The following ADD1 variants were observed in gnomAD, a reference collection of about 807,000 sequenced individuals.
The protein encoded by ADD1 is alpha-adducin.
Under a neutral mutation model 80.5 loss-of-function variants are expected in ADD1, and 24 were observed. The observed-to-expected ratio is 0.30, with a 90% CI of 0.22 to 0.42. The LOEUF is 0.42. ADD1 is among the 10% of genes least tolerant of loss of function. The probability of loss-of-function intolerance (pLI) is 1.00; values close to 1 mark genes in which losing one functional copy is unlikely to be tolerated. For missense variants in ADD1, 948 were observed against 1,019.0 expected (o/e 0.93, Z 0.95); for synonymous variants, 373 against 393.8 (o/e 0.95, Z 0.63).
chr4:2,852,559 G>A (rs1480328985), intron 1 of ADD1, among the ~76,000 whole-genome samples: 3 of 151,620 alleles, frequency 2.0e-5, no homozygotes, highest in Admixed American at 6.6e-5. Context: ...TCTGAGCAAC[G>A]TCTCCAGGGA....
Position 2,904,894 on chromosome 4 carries a change from C to G in ADD1, c.1292C>G (p.Ser431Cys). 3 of 1,614,148 alleles carry G rather than the reference C, an allele frequency of 1.9e-6. No individual in the cohort carries two copies. The highest frequency in any genetic ancestry group is 2.5e-6 in the Non-Finnish European group (3 of 1,180,024). ...FASDGDSGTC[S>C]PLRHSFQKQQ... ...AGTGACGGTGATTCGGGCACTTGCTCCCCACTCAGACACAGTTTTCAGAAG... is the reference window on the plus strand; with the variant it reads ...AGTGACGGTGATTCGGGCACTTGCTGCCCACTCAGACACAGTTTTCAGAAG... Residue 431 changes from serine to cysteine, a missense_variant, in exon 10 of 16, where the codon TCC (serine) becomes TGC (cysteine). Transcript: ENST00000683351.
intron 4 of ADD1, among the ~76,000 whole-genome samples, chr4:2,889,211 G>A (rs1303183205): frequency 6.6e-6 from 1 of 152,212 alleles, no homozygotes; most frequent in South Asian, 2.1e-4. Context: ...ACATGCTGTA[G>A]TCGGCATTGC....
intron 4 of ADD1, among the ~76,000 whole-genome samples, chr4:2,892,889 G>T (rs1734547188): frequency 6.6e-6 from 1 of 151,502 alleles, no homozygotes; most frequent in Non-Finnish European, 1.5e-5. Context: ...GGTACAAGTT[G>T]GTTTTAATTA....
chr4:2,884,567 G>C lies in ADD1; in HGVS notation c.411G>C (p.Ala137=). The C allele has an allele frequency of 6.2e-7, 1 of 1,613,230 alleles. No homozygotes were observed. The highest frequency in any genetic ancestry group is 8.5e-7 in the Non-Finnish European group (1 of 1,179,466). ...ATCTTAGAGGATCTGATTCTATTGC[G>C]TATGACAAAGGAGAGAAGTTATTAC... is the stretch of plus-strand genomic sequence containing the variant. ...VNDLRGSDSI[A]YDKGEKLLRC... Residue 137 remains alanine, a synonymous_variant, in exon 4 of 16, where the codon GCG becomes GCC. Transcript: ENST00000683351.
chr4:2,859,357 A>G (rs1030149636), intron 1 of ADD1, among the ~76,000 whole-genome samples: 3 of 152,238 alleles, frequency 2.0e-5, no homozygotes, highest in Non-Finnish European at 4.4e-5. Flanking sequence ...AAATAAAATT[A>G]TAGAAGATAG....
At chr4:2,891,812 C>G (rs576059481) in intron 4 of ADD1, among the ~76,000 whole-genome samples, 1 of 152,218 alleles carries the variant, frequency 6.6e-6, no homozygotes, top group East Asian at 1.9e-4. Flanking sequence ...CTGTTATGCT[C>G]TACAGAGACA....
rs764078515 is a variant in ADD1 at position 2,890,193 on chromosome 4, C to CA, written c.511-3805dup. Among the ~76,000 whole-genome samples the CA allele has an allele frequency of 6.3e-3, 496 of 78,650 alleles. 1 individual carries two copies. The highest frequency in any genetic ancestry group is 0.021 in the South Asian group (49 of 2,368). The allele number at this position is 78,650 out of a possible 152,430, so 51.6% of individuals were successfully genotyped here. ...TGGGCGACAGAGTGAGACTCCGTCTCAAAAAAAAAAAAAAAGAAATAATAT... is the reference window on the plus strand; with the variant it reads ...TGGGCGACAGAGTGAGACTCCGTCTCAAAAAAAAAAAAAAAAGAAATAATAT... On this transcript the variant is annotated intron_variant, in intron 4 of 15. Transcript: ENST00000683351.
chr4:2,921,208 A>G (rs1298307827), intron 14 of ADD1, among the ~76,000 whole-genome samples: 1 of 152,042 alleles, frequency 6.6e-6, no homozygotes, highest in African/African-American at 2.4e-5. Flanking sequence ...GCTCACTGCA[A>G]GCTCCGCCTC....
In ADD1 at chr4:2,904,808, G is replaced by A; in HGVS notation, c.1206G>A (p.Glu402=). ...GYPYRYPALR[E]KSKKYSDVEV... Reference sequence around the variant, plus strand: ...CTTATCGATACCCTGCTCTGAGAGAGAAGTCTAAAAAATACAGCGATGTGG... The same window carrying A: ...CTTATCGATACCCTGCTCTGAGAGAAAAGTCTAAAAAATACAGCGATGTGG... Residue 402 remains glutamate (E), a synonymous_variant, in exon 10 of 16, where the codon GAG becomes GAA. Coordinates refer to ENST00000683351, the MANE Select transcript of ADD1 (RefSeq NM_001354761.2). 1.2e-6 allele frequency: 2 copies of A among 1,614,214 alleles called. No individual in the cohort carries two copies. Among genetic ancestry groups the A allele is most frequent in the Non-Finnish European group, 1.7e-6 (2 of 1,180,042 alleles).
intron 14 of ADD1, among the ~76,000 whole-genome samples, chr4:2,921,698 G>A (rs752775321): frequency 4.0e-4 from 61 of 152,230 alleles, no homozygotes; most frequent in Middle Eastern, 6.8e-3. Flanking sequence ...CTAGGTTGGG[G>A]AAGTTCTCCT....
intron 1 of ADD1, among the ~76,000 whole-genome samples, chr4:2,861,214 G>A (rs1266837389): frequency 2.6e-5 from 4 of 152,130 alleles, no homozygotes; most frequent in African/African-American, 9.7e-5. Flanking sequence ...GCAAGGGAGC[G>A]TGGGGGCTGG....
At position 2,909,113 on chromosome 4, in the gene ADD1, C is replaced by G. The variant is rs185536462; in HGVS notation, c.1699-226C>G. On this transcript the variant is annotated intron_variant, in intron 12 of 15. Coordinates refer to ENST00000683351, the MANE Select transcript of ADD1 (RefSeq NM_001354761.2). Reference sequence around the variant, plus strand: ...TTATCTCTGAAAACTAATATGCCACCTAATGCTTTAACACCTGACTCTGCA... The same window carrying G: ...TTATCTCTGAAAACTAATATGCCACGTAATGCTTTAACACCTGACTCTGCA... 1.2e-5 allele frequency: 7 copies of G among 567,156 alleles called. No individual in the cohort carries two copies. In the Admixed American group the frequency reaches 2.2e-4, roughly 18 times the overall value. 35.1% of individuals were successfully genotyped at this position (567,156 alleles called of 1,614,324 possible).
chr4:2,896,074 A>G (rs1735162240), intron 6 of ADD1, among the ~76,000 whole-genome samples: 1 of 150,744 alleles, frequency 6.6e-6, no homozygotes, highest in South Asian at 2.1e-4. Flanking sequence ...TTTTTAGTAG[A>G]GGCTGGGTTT....
At chr4:2,891,617 T>G (rs548966584) in intron 4 of ADD1, among the ~76,000 whole-genome samples, 1 of 152,264 alleles carries the variant, frequency 6.6e-6, no homozygotes, top group African/African-American at 2.4e-5. Flanking sequence ...CCACTACCAC[T>G]AATGATGGTA....
chr4:2,894,646 C>A lies in ADD1; in HGVS notation c.656C>A (p.Ala219Asp). 6.2e-7 allele frequency: 1 copy of A among 1,610,176 alleles called. No homozygotes were observed. Among genetic ancestry groups the A allele is most frequent in the Non-Finnish European group, 8.5e-7 (1 of 1,178,828 alleles). The part of the protein sequence containing the change: ...RGSTNLGVNQ[A>D]GFTLHSAIYA... Reference sequence around the variant, plus strand: ...AGCACTAATCTGGGAGTGAATCAGGCCGGCTTCACCTTACACTCTGCAATT... The same window carrying A: ...AGCACTAATCTGGGAGTGAATCAGGACGGCTTCACCTTACACTCTGCAATT... Residue 219 changes from alanine (A) to aspartate (D), a missense_variant, in exon 6 of 16, where the codon GCC becomes GAC. By Grantham distance (126) the Ala-to-Asp change is moderately radical (BLOSUM62 -2). Coordinates refer to ENST00000683351, the MANE Select transcript of ADD1 (RefSeq NM_001354761.2).
Position 2,908,504 on chromosome 4 carries a change from C to T in ADD1, c.1609-11C>T, listed in dbSNP as rs202230760. ...GGACTGTTGATGTGTGCCTCTCCTT[C>T]CCACCCTCAGATCCGAGAGCAGAAT... On this transcript the variant is annotated splice_polypyrimidine_tract_variant and intron_variant, in intron 11 of 15. Coordinates refer to ENST00000683351, the MANE Select transcript of ADD1 (RefSeq NM_001354761.2). 6.8e-6 allele frequency: 11 copies of T among 1,613,134 alleles called. No individual in the cohort carries two copies. The Admixed American group carries it at 1.7e-4, about 24-fold the overall frequency.
intron 1 of ADD1, among the ~76,000 whole-genome samples, chr4:2,849,776 C>A (rs1036828596): frequency 1.3e-5 from 2 of 152,154 alleles, no homozygotes; most frequent in South Asian, 2.1e-4. Context: ...GAGAGGGAGC[C>A]GTAACCATAG....
chr4:2,911,527 A>C (rs752972416), intron 13 of ADD1, among the ~76,000 whole-genome samples: 2 of 150,154 alleles, frequency 1.3e-5, no homozygotes, highest in African/African-American at 4.9e-5. Flanking sequence ...GCCCACTGCA[A>C]CCTCCGCCTC....
intron 10 of ADD1, among the ~76,000 whole-genome samples, chr4:2,906,393 CAAAA>C (rs111722982): frequency 7.3e-6 from 1 of 137,558 alleles, no homozygotes; most frequent in Non-Finnish European, 1.6e-5. Context: ...CGTTATAAAA[CAAAA>C]AAAAAAAACC....
Sources: gnomAD v4.1 joint callset for allele counts (sites outside exome capture counted in the v4.1 genomes callset) on GRCh38, gnomAD v4.1.1 for gene constraint, MANE v1.5 for transcripts, NCBI Gene and HGNC (gene_info 2026-07-23, HGNC 2026-07-21) for gene names.